FOXP1: variants seen among roughly 807,000 people sequenced by gnomAD.
FOXP1 encodes forkhead box protein P1.
Under a neutral mutation model 98.2 loss-of-function variants are expected in FOXP1, and 15 were observed. The observed-to-expected ratio is 0.15, with a 90% CI of 0.10 to 0.24. The LOEUF (loss-of-function observed/expected upper bound fraction) is 0.24. Ranked by LOEUF, FOXP1 falls within the 10% of genes least tolerant of loss-of-function variation. FOXP1 has a pLI of 1.00. For missense variants in FOXP1, 633 were observed against 848.5 expected (o/e 0.75, Z 3.15); for synonymous variants, 371 against 314.5 (o/e 1.18, Z -1.90).
intron 4 of FOXP1, among the ~76,000 whole-genome samples, chr3:71,308,749 A>ATGTGTGTGTGTGTGTG (rs71104439): frequency 9.1e-5 from 12 of 132,288 alleles, no homozygotes; most frequent in East Asian, 5.1e-4. Flanking sequence ...TTCTACCACA[A>ATGTGTGTGTGTGTGTG]TGTGTGTGTG....
intron 4 of FOXP1, among the ~76,000 whole-genome samples, chr3:71,344,000 A>G (rs1015949964): frequency 6.6e-6 from 1 of 152,188 alleles, no homozygotes; most frequent in Non-Finnish European, 1.5e-5. Context: ...TTGTACATGC[A>G]GCAAAGAACT....
chr3:71,190,423 C>A (rs1332339955), intron 6 of FOXP1, among the ~76,000 whole-genome samples: 1 of 150,586 alleles, frequency 6.6e-6, no homozygotes, highest in African/African-American at 2.4e-5. Context: ...CCAGCCTAGG[C>A]AATATAGTGA....
intron 6 of FOXP1, among the ~76,000 whole-genome samples, chr3:71,140,262 C>G (rs1489377240): frequency 1.3e-5 from 2 of 152,176 alleles, no homozygotes. Flanking sequence ...ACCTTATACA[C>G]AAAGCCTGAA....
In FOXP1 at chr3:70,968,162, T is replaced by A. The variant is rs1212174781; in HGVS notation, c.1723-2106A>T. Among the ~76,000 whole-genome samples the A allele has an allele frequency of 2.0e-5, 3 of 152,102 alleles. No homozygotes were observed. In the South Asian group the frequency reaches 6.2e-4, roughly 32 times the overall value. The stretch of plus-strand genomic sequence containing the variant: ...ATACAAAGGCAAGCACTTATACTGA[T>A]CCCTGGGTTCTCAGGCAAGAACGAT... On this transcript the variant is annotated intron_variant, in intron 19 of 20. Coordinates refer to ENST00000649528, the MANE Select transcript of FOXP1 (RefSeq NM_001349338.3).
intron 3 of FOXP1, among the ~76,000 whole-genome samples, chr3:71,452,970 G>C (rs1370216508): frequency 2.0e-5 from 3 of 152,166 alleles, no homozygotes; most frequent in African/African-American, 7.2e-5. Flanking sequence ...CAACTGGCTG[G>C]AGTGAGGCAG....
At chr3:71,112,176 G>A (rs914058048) in intron 7 of FOXP1, among the ~76,000 whole-genome samples, 9 of 152,122 alleles carry the variant, frequency 5.9e-5, no homozygotes, top group African/African-American at 1.9e-4. Context: ...CTAAAGTAAG[G>A]TGTGTGTCTG....
At chr3:71,458,743 G>C (rs556676557) in intron 3 of FOXP1, among the ~76,000 whole-genome samples, 6 of 152,206 alleles carry the variant, frequency 3.9e-5, no homozygotes, top group African/African-American at 1.2e-4. Context: ...TCTTGCAATG[G>C]ACCATTTTAC....
chr3:71,443,380 T>C (rs1203890461), intron 3 of FOXP1, among the ~76,000 whole-genome samples: 1 of 152,232 alleles, frequency 6.6e-6, no homozygotes, highest in African/African-American at 2.4e-5. Context: ...TTTTGAAATA[T>C]ACAATACTTT....
intron 3 of FOXP1, among the ~76,000 whole-genome samples, chr3:71,465,584 C>T (rs555696774): frequency 2.5e-4 from 38 of 152,264 alleles, no homozygotes; most frequent in South Asian, 1.0e-3. Flanking sequence ...GGCACTGAAA[C>T]CTCACGTTTA....
intron 14 of FOXP1, among the ~76,000 whole-genome samples, chr3:70,978,364 T>C (rs533454053): frequency 1.3e-5 from 2 of 150,532 alleles, no homozygotes; most frequent in Admixed American, 1.3e-4. Context: ...TGATCGCCCA[T>C]CAGGCCTTGT....
At chr3:71,514,577 C>T (rs868572445) in intron 2 of FOXP1, among the ~76,000 whole-genome samples, 26 of 152,352 alleles carry the variant, frequency 1.7e-4, no homozygotes, top group Middle Eastern at 3.4e-3. Context: ...TATCTGTTGA[C>T]TGAACAATTG....
chr3:71,557,616 C>A (rs1044822846), intron 2 of FOXP1, among the ~76,000 whole-genome samples: 4 of 152,168 alleles, frequency 2.6e-5, no homozygotes, highest in Non-Finnish European at 4.4e-5. Flanking sequence ...CCCACCTTCA[C>A]GGAAGAGTGA....
At chr3:71,550,094 TCAC>T (rs544868950) in intron 2 of FOXP1, among the ~76,000 whole-genome samples, 104 of 152,246 alleles carry the variant, frequency 6.8e-4, no homozygotes, top group Admixed American at 2.6e-3. Flanking sequence ...TGTGCCCCAC[TCAC>T]CCTCCCGCCT....
chr3:71,104,825 T>C (rs116060283), intron 7 of FOXP1, among the ~76,000 whole-genome samples: 43 of 152,292 alleles, frequency 2.8e-4, no homozygotes, highest in African/African-American at 1.0e-3. Context: ...AACCTGACTG[T>C]TGTGCTGACT....
At position 70,959,340 on chromosome 3, in the gene FOXP1, C is replaced by A. The variant is rs2032631332; in HGVS notation, c.1941G>T (p.Gly647=). Residue 647 remains glycine, a synonymous_variant, in exon 21 of 21, where the codon GGG becomes GGT. Transcript: ENST00000649528. ...EEPLDPEEAE[G]PLSLVTTANH... The stretch of plus-strand genomic sequence containing the variant: ...TGGCTGTTGTCACTAAGGACAGGGG[C>A]CCTTCAGCTTCCTCTGGATCGAGGG... 2 of 1,613,960 alleles carry A rather than the reference C, an allele frequency of 1.2e-6. No individual in the cohort carries two copies. The highest frequency in any genetic ancestry group is 2.2e-5 in the East Asian group (1 of 44,860).
At chr3:71,192,461 G>C (rs1259805687) in intron 6 of FOXP1, among the ~76,000 whole-genome samples, 1 of 152,158 alleles carries the variant, frequency 6.6e-6, no homozygotes, top group Non-Finnish European at 1.5e-5. Context: ...GTTGCTGCCA[G>C]TACAGACACC....
intron 3 of FOXP1, among the ~76,000 whole-genome samples, chr3:71,433,871 G>A (rs966038607): frequency 1.4e-4 from 21 of 152,180 alleles, no homozygotes; most frequent in Non-Finnish European, 2.6e-4. Flanking sequence ...ATCCCCTGAT[G>A]GCACAGGGAA....
intron 2 of FOXP1, among the ~76,000 whole-genome samples, chr3:71,555,931 AGAG>A (rs780242032): frequency 1.3e-5 from 2 of 152,162 alleles, no homozygotes; most frequent in African/African-American, 4.8e-5. Flanking sequence ...AAGAGAAAGA[AGAG>A]GAGGAGGAAG....
intron 3 of FOXP1, among the ~76,000 whole-genome samples, chr3:71,386,121 A>G (rs1353110884): frequency 6.6e-6 from 1 of 152,048 alleles, no homozygotes; most frequent in Non-Finnish European, 1.5e-5. Flanking sequence ...CCTCTCCATC[A>G]CTGCCTTTCC....
Sources: gnomAD v4.1 joint callset for allele counts (sites outside exome capture counted in the v4.1 genomes callset) on GRCh38, gnomAD v4.1.1 for gene constraint, MANE v1.5 for transcripts, NCBI Gene and HGNC (gene_info 2026-07-23, HGNC 2026-07-21) for gene names.